Variants in CHN1 observed in about 807,000 individuals in gnomAD.
The protein encoded by CHN1 is chimerin 1.
Under a neutral mutation model 59.5 loss-of-function variants are expected in CHN1, and 37 were observed. The ratio of observed to expected loss-of-function variants is 0.62; its 90% CI spans 0.48 to 0.82. The LOEUF is 0.82. CHN1 is among the 40% of genes least tolerant of loss of function. The pLI, the probability that CHN1 is intolerant of heterozygous loss-of-function variation, is 0.00. For missense variants in CHN1, 469 were observed against 571.0 expected, an observed-to-expected ratio of 0.82 and a Z score of 1.82; for synonymous variants, 206 against 200.4, an observed-to-expected ratio of 1.03 and a Z score of -0.24.
At position 174,856,627 on chromosome 2, in the gene CHN1, T is replaced by C. The variant is rs192000013; in HGVS notation, c.550-9670A>G. 4.6e-3 allele frequency among the ~76,000 whole-genome samples: 707 copies of C among 152,272 alleles called. 5 individuals are homozygous for C. The highest frequency in any genetic ancestry group is 0.016 in the African/African-American group (673 of 41,570). On this transcript the variant is annotated intron_variant, in intron 6 of 12. Transcript: ENST00000409900. ...TTTTCACACTACGTGAAGAACACTA[T>C]GCCCAAGGAGGAGGGGGTGGAATGG... is the stretch of plus-strand genomic sequence containing the variant.
At chr2:174,974,538 CATAAT>C (rs777187821) in intron 1 of CHN1, among the ~76,000 whole-genome samples, 43 of 152,132 alleles carry the variant, frequency 2.8e-4, no homozygotes, top group Admixed American at 5.2e-4. Flanking sequence ...TTCAAATTCC[CATAAT>C]ATAACAAAAA....
chr2:174,823,107 T>C (rs1435140690), intron 8 of CHN1, among the ~76,000 whole-genome samples: 1 of 152,194 alleles, frequency 6.6e-6, no homozygotes, highest in Non-Finnish European at 1.5e-5. Flanking sequence ...CAGAAATTTC[T>C]GCACATAATG....
chr2:174,940,106 T>A (rs1689613576), intron 3 of CHN1, among the ~76,000 whole-genome samples: 1 of 152,208 alleles, frequency 6.6e-6, no homozygotes. Flanking sequence ...CTTGGCTCAC[T>A]GCAACCTCCG....
chr2:174,958,105 C>T (rs941932285), intron 1 of CHN1, among the ~76,000 whole-genome samples: 14 of 137,584 alleles, frequency 1.0e-4, no homozygotes, highest in Non-Finnish European at 1.5e-5. Context: ...CAAGATCAGC[C>T]TGGGCACCAA....
chr2:174,984,901 T>C (rs1691288801), intron 1 of CHN1, among the ~76,000 whole-genome samples: 1 of 152,190 alleles, frequency 6.6e-6, no homozygotes, highest in South Asian at 2.1e-4. Flanking sequence ...ATGTAATAGA[T>C]TCTTTCTTCA....
intron 1 of CHN1, among the ~76,000 whole-genome samples, chr2:174,970,738 T>C (rs966109641): frequency 1.3e-5 from 2 of 152,216 alleles, no homozygotes; most frequent in African/African-American, 4.8e-5. Context: ...GTCATTGATA[T>C]GGTTTCAAAG....
chr2:174,836,057 C>T (rs1686065695), intron 7 of CHN1, among the ~76,000 whole-genome samples: 2 of 152,174 alleles, frequency 1.3e-5, no homozygotes, highest in South Asian at 4.1e-4. Context: ...GCAGTCTCTG[C>T]CCCATACATT....
chr2:174,845,362 A>G (rs1369917350), intron 7 of CHN1, among the ~76,000 whole-genome samples: 1 of 152,110 alleles, frequency 6.6e-6, no homozygotes, highest in African/African-American at 2.4e-5. Context: ...ACATAACTTC[A>G]TATTGGCAAA....
intron 5 of CHN1, among the ~76,000 whole-genome samples, chr2:174,879,178 T>C (rs770196123): frequency 3.3e-5 from 5 of 152,228 alleles, no homozygotes; most frequent in Non-Finnish European, 7.3e-5. Context: ...AAACGCTGTT[T>C]AAGTAAAGCG....
chr2:174,987,362 A>C (rs1161153195), intron 1 of CHN1, among the ~76,000 whole-genome samples: 1 of 151,998 alleles, frequency 6.6e-6, no homozygotes, highest in Non-Finnish European at 1.5e-5. Context: ...TATACATAGA[A>C]ACTCAAATTA....
At chr2:174,921,013 C>T (rs997673972) in intron 3 of CHN1, 41 of 414,638 alleles carry the variant, frequency 9.9e-5, no homozygotes, top group Non-Finnish European at 1.8e-4. Flanking sequence ...CAATAGGGTT[C>T]GCGTTCCCAT....
intron 3 of CHN1, chr2:174,921,081 A>G: frequency 2.6e-6 from 1 of 384,246 alleles, no homozygotes; most frequent in Non-Finnish European, 5.6e-6. Flanking sequence ...AATGTGGGCA[A>G]TGGGGAGCGG....
chr2:174,841,161 C>A (rs1686287442), intron 7 of CHN1, among the ~76,000 whole-genome samples: 1 of 152,144 alleles, frequency 6.6e-6, no homozygotes, highest in Non-Finnish European at 1.5e-5. Context: ...TGAAATGTTT[C>A]TTTTCGGATT....
At chr2:174,962,419 T>C (rs1690441668) in intron 1 of CHN1, among the ~76,000 whole-genome samples, 1 of 152,148 alleles carries the variant, frequency 6.6e-6, no homozygotes, top group Non-Finnish European at 1.5e-5. Context: ...CCAGGGCTAA[T>C]ACTCCGAAAA....
In CHN1 at chr2:174,829,027, T is replaced by C. The variant is rs550859206; in HGVS notation, c.628-4509A>G. ...TTTTCTAGGCCACCTCCAAAGCTTTTGGTCCATCTCGACAAATGAAAGTGA... is the reference window on the plus strand; with the variant it reads ...TTTTCTAGGCCACCTCCAAAGCTTTCGGTCCATCTCGACAAATGAAAGTGA... On this transcript the variant is annotated intron_variant, in intron 7 of 12. Coordinates refer to ENST00000409900, the MANE Select transcript of CHN1 (RefSeq NM_001822.7). 8.5e-5 allele frequency among the ~76,000 whole-genome samples: 13 copies of C among 152,348 alleles called. No homozygotes were observed. The South Asian group carries it at 2.5e-3, about 29-fold the overall frequency.
intron 5 of CHN1, among the ~76,000 whole-genome samples, chr2:174,909,369 C>G (rs184572853): frequency 5.3e-5 from 8 of 152,304 alleles, no homozygotes; most frequent in African/African-American, 1.4e-4. Flanking sequence ...ACAAGCTGAC[C>G]CATTTCCCTG....
chr2:174,966,250 G>T (rs1346743483), intron 1 of CHN1, among the ~76,000 whole-genome samples: 3 of 151,834 alleles, frequency 2.0e-5, no homozygotes, highest in Non-Finnish European at 4.4e-5. Flanking sequence ...ATTCAACTCT[G>T]ATGGAAATAA....
At chr2:174,944,771 C>A in intron 3 of CHN1, 117 bp downstream of exon 3, 1 of 628,958 alleles carries the variant, frequency 1.6e-6, no homozygotes, top group South Asian at 2.5e-5. Flanking sequence ...ATAATTTTAT[C>A]ATATCGATTA....
chr2:174,943,901 C>T (rs1447350331), intron 3 of CHN1, among the ~76,000 whole-genome samples: 1 of 152,164 alleles, frequency 6.6e-6, no homozygotes, highest in African/African-American at 2.4e-5. Context: ...AAGCTGTCTT[C>T]TCACCTGTGC....
Sources: allele counts gnomAD v4.1 joint callset (sites outside exome capture counted in the v4.1 genomes callset), GRCh38; gene constraint gnomAD v4.1.1; transcripts MANE v1.5; gene names NCBI Gene and HGNC (gene_info 2026-07-23, HGNC 2026-07-21).